The following PTPRM variants were observed in gnomAD, a reference collection of about 807,000 sequenced individuals.
PTPRM encodes receptor-type tyrosine-protein phosphatase mu.
PTPRM carries 47 observed loss-of-function variants against 186.7 expected under a neutral mutation model. The observed-to-expected ratio is 0.25, with a 90% CI of 0.20 to 0.32. PTPRM has a LOEUF of 0.32. Ranked by LOEUF, PTPRM falls within the 10% of genes least tolerant of loss-of-function variation. The pLI, the probability that PTPRM is intolerant of heterozygous loss-of-function variation, is 1.00. For missense variants in PTPRM, 1,494 were observed against 1,865.0 expected (o/e 0.80, Z 3.66); for synonymous variants, 668 against 674.9 (o/e 0.99, Z 0.16).
At chr18:8,114,009 G>A (rs2091863356) in intron 12 of PTPRM, among the ~76,000 whole-genome samples, 2 of 145,838 alleles carry the variant, frequency 1.4e-5, no homozygotes, top group Non-Finnish European at 3.0e-5. Context: ...CAGTTTTCCT[G>A]TTACCAAAAG....
At chr18:7,672,874 G>A (rs2039250343) in intron 1 of PTPRM, among the ~76,000 whole-genome samples, 1 of 152,180 alleles carries the variant, frequency 6.6e-6, no homozygotes, top group African/African-American at 2.4e-5. Flanking sequence ...CCCTGATGTT[G>A]GAGCCCAATC....
At chr18:7,816,975 A>ATT (rs71354570) in intron 2 of PTPRM, among the ~76,000 whole-genome samples, 2,297 of 138,590 alleles carry the variant, frequency 0.017, 49 homozygotes, top group African/African-American at 0.035. Context: ...TAGTTAATTA[A>ATT]TTTTTTTTTT....
At chr18:8,313,135 G>T (rs945131141) in intron 20 of PTPRM, among the ~76,000 whole-genome samples, 2 of 152,174 alleles carry the variant, frequency 1.3e-5, no homozygotes, top group African/African-American at 4.8e-5. Context: ...TATCTCAAAA[G>T]CTGTGGGCTT....
chr18:8,353,982 C>G (rs1302715493), intron 23 of PTPRM, among the ~76,000 whole-genome samples: 1 of 152,124 alleles, frequency 6.6e-6, no homozygotes, highest in Non-Finnish European at 1.5e-5. Flanking sequence ...GAGGCCGAGG[C>G]AGGTGGACTG....
At chr18:8,000,454 T>C (rs2083805001) in intron 7 of PTPRM, among the ~76,000 whole-genome samples, 1 of 152,230 alleles carries the variant, frequency 6.6e-6, no homozygotes, top group Admixed American at 6.5e-5. Context: ...TATAAAATAA[T>C]ATGTTTGGAT....
At chr18:8,050,513 A>G (rs184885965) in intron 7 of PTPRM, among the ~76,000 whole-genome samples, 1 of 151,810 alleles carries the variant, frequency 6.6e-6, no homozygotes. Flanking sequence ...CCCTCCATAC[A>G]CTCATACACT....
chr18:7,908,985 A>G (rs910203679), intron 4 of PTPRM, among the ~76,000 whole-genome samples: 2 of 152,210 alleles, frequency 1.3e-5, no homozygotes, highest in Admixed American at 1.3e-4. Flanking sequence ...CTCTAATGAC[A>G]TAGTCTGCCT....
At chr18:7,945,164 A>G (rs72895204) in intron 5 of PTPRM, among the ~76,000 whole-genome samples, 7,101 of 152,134 alleles carry the variant, frequency 0.047, 261 homozygotes, top group Non-Finnish European at 0.075. Context: ...AGGAATCTGC[A>G]GAGTCCCGGC....
At chr18:7,981,409 C>G (rs2082543921) in intron 7 of PTPRM, among the ~76,000 whole-genome samples, 1 of 152,168 alleles carries the variant, frequency 6.6e-6, no homozygotes. Context: ...CCATGTGATT[C>G]AGTCTGCATT....
intron 7 of PTPRM, among the ~76,000 whole-genome samples, chr18:8,039,217 A>G (rs1337138190): frequency 1.3e-5 from 2 of 152,130 alleles, no homozygotes; most frequent in African/African-American, 2.4e-5. Flanking sequence ...TAAACCATGC[A>G]TAAGAAAATG....
At chr18:8,376,664 A>G in intron 26 of PTPRM, 67 bp downstream of exon 26, 2 of 1,510,636 alleles carry the variant, frequency 1.3e-6, no homozygotes, top group Non-Finnish European at 1.8e-6. Context: ...TCCCCATTTC[A>G]GGGCCAAGGG....
chr18:8,070,209 C>T (rs2089377436), intron 8 of PTPRM, among the ~76,000 whole-genome samples: 1 of 152,192 alleles, frequency 6.6e-6, no homozygotes, highest in Non-Finnish European at 1.5e-5. Flanking sequence ...CATACAGTTA[C>T]TTTTCTATAT....
At chr18:8,172,590 C>T (rs1219437438) in intron 14 of PTPRM, among the ~76,000 whole-genome samples, 1 of 151,924 alleles carries the variant, frequency 6.6e-6, no homozygotes, top group Non-Finnish European at 1.5e-5. Flanking sequence ...GGGATCCTCA[C>T]TGATGTTTAA....
At chr18:7,902,653 A>G (rs957357644) in intron 3 of PTPRM, among the ~76,000 whole-genome samples, 3 of 152,164 alleles carry the variant, frequency 2.0e-5, no homozygotes, top group African/African-American at 7.2e-5. Flanking sequence ...ACTTTTTATA[A>G]AACTGTCTGC....
At chr18:8,308,304 G>A (rs766300369) in intron 20 of PTPRM, among the ~76,000 whole-genome samples, 46 of 152,178 alleles carry the variant, frequency 3.0e-4, no homozygotes, top group Non-Finnish European at 5.9e-4. Context: ...CCTTATTTGA[G>A]CATGGTGTGA....
chr18:8,177,673 A>G (rs75641971), intron 14 of PTPRM, among the ~76,000 whole-genome samples: 1 of 152,344 alleles, frequency 6.6e-6, no homozygotes, highest in Non-Finnish European at 1.5e-5. Context: ...GCTGAGTGAG[A>G]GAATGAGGCA....
rs139423412 is a variant in PTPRM, at chr18:7,622,459, C to T, written c.73+54568C>T. Among the ~76,000 whole-genome samples the T allele has an allele frequency of 2.3e-4, 35 of 152,110 alleles. 1 individual carries two copies. In the East Asian group the frequency reaches 6.8e-3, roughly 30 times the overall value. On this transcript the variant is annotated intron_variant, in intron 1 of 32. Coordinates refer to ENST00000580170, the MANE Select transcript of PTPRM (RefSeq NM_001105244.2). ...GGTTTTCTGTGGTCTGTGCTGGACTCCCTTATTTACCTGTTTTGTCCTTTC... is the reference window on the plus strand; with the variant it reads ...GGTTTTCTGTGGTCTGTGCTGGACTTCCTTATTTACCTGTTTTGTCCTTTC...
At position 7,771,969 on chromosome 18, in the gene PTPRM, G is replaced by A. The variant is rs187526092; in HGVS notation, c.74-2180G>A. 6.9e-4 allele frequency among the ~76,000 whole-genome samples: 105 copies of A among 152,336 alleles called. No homozygotes were observed. In the East Asian group the frequency reaches 0.015, roughly 22 times the overall value. ...TTACAAAGTGGAGAGATGACTCAGT[G>A]GCAGTGGTGTACAAAAGCCGTATGG... On this transcript the variant is annotated intron_variant, in intron 1 of 32. Transcript: ENST00000580170.
In PTPRM at chr18:8,288,256, AG is replaced by A. The variant is rs1287004475; in HGVS notation, c.2755-8106del. 1.4e-4 allele frequency among the ~76,000 whole-genome samples: 21 copies of A among 152,174 alleles called. 2 individuals carry two copies. The highest frequency in any genetic ancestry group is 1.4e-3 in the Admixed American group (21 of 15,284). On this transcript the variant is annotated intron_variant, in intron 19 of 32. Transcript: ENST00000580170. The stretch of plus-strand genomic sequence containing the variant: ...GTGATGAGCCCTTGAGAGCCCCTGA[AG>A]GGGGGTGCCAAAGAAACAAGGACTC...
Sources: allele counts gnomAD v4.1 joint callset (sites outside exome capture counted in the v4.1 genomes callset), GRCh38; gene constraint gnomAD v4.1.1; transcripts MANE v1.5; gene names NCBI Gene and HGNC (gene_info 2026-07-23, HGNC 2026-07-21).